The following VPS13A variants were observed in gnomAD, a reference collection of about 807,000 sequenced individuals.
VPS13A encodes the protein vacuolar protein sorting 13 homolog A.
A neutral mutation model predicts 390.9 loss-of-function variants in VPS13A; 264 were observed. The observed-to-expected ratio is 0.68, with a 90% CI of 0.61 to 0.75. The LOEUF (loss-of-function observed/expected upper bound fraction) is 0.75. Ranked by LOEUF, VPS13A falls within the 30% of genes least tolerant of loss-of-function variation. The probability of loss-of-function intolerance (pLI) is 0.00; values close to 1 mark genes in which losing one functional copy is unlikely to be tolerated. For synonymous variants in VPS13A, 1,231 were observed against 1,227.1 expected, an observed-to-expected ratio of 1.00 and a Z score of -0.07; for missense variants, 3,409 against 3,733.9, an observed-to-expected ratio of 0.91 and a Z score of 2.27.
intron 19 of VPS13A, among the ~76,000 whole-genome samples, chr9:77,241,940 T>C (rs921759732): frequency 1.3e-5 from 2 of 152,186 alleles, no homozygotes; most frequent in African/African-American, 4.8e-5. Context: ...CAATTATTCT[T>C]TCTTTGAGTG....
chr9:77,412,849 C>T (rs1835001196), intron 71 of VPS13A, among the ~76,000 whole-genome samples: 1 of 152,090 alleles, frequency 6.6e-6, no homozygotes, highest in African/African-American at 2.4e-5. Context: ...TCTAGAAAAC[C>T]CCATCGTCTC....
intron 23 of VPS13A, among the ~76,000 whole-genome samples, chr9:77,262,918 G>T (rs529578453): frequency 2.0e-5 from 3 of 152,176 alleles, no homozygotes; most frequent in African/African-American, 7.2e-5. Context: ...CTTTATAGTA[G>T]GATGATTTAT....
At chr9:77,331,878 C>T in intron 45 of VPS13A, 132 bp from the exon 46 acceptor site, 2 of 618,140 alleles carry the variant, frequency 3.2e-6, no homozygotes, top group Non-Finnish European at 5.8e-6. Flanking sequence ...TGTTTCTTTT[C>T]TAATTTATAT....
intron 50 of VPS13A, among the ~76,000 whole-genome samples, chr9:77,343,445 G>A (rs907291745): frequency 1.3e-5 from 2 of 152,212 alleles, no homozygotes; most frequent in African/African-American, 2.4e-5. Context: ...TGAAATATAT[G>A]AAGGGATCAG....
At chr9:77,387,635 C>A (rs1042944286) in intron 68 of VPS13A, among the ~76,000 whole-genome samples, 1 of 152,136 alleles carries the variant, frequency 6.6e-6, no homozygotes, top group Non-Finnish European at 1.5e-5. Flanking sequence ...TTAATTAGTA[C>A]TCACATGGGA....
At chr9:77,331,828 TAGAG>T (rs1446725444) in intron 45 of VPS13A, among the ~76,000 whole-genome samples, 178 bp from the exon 46 acceptor site, 8 of 152,152 alleles carry the variant, frequency 5.3e-5, no homozygotes, top group Non-Finnish European at 2.9e-5. Context: ...TATAAAACTA[TAGAG>T]ATTTTTCTTG....
chr9:77,199,915 T>A (rs1192204014), intron 1 of VPS13A, 30 bp from the exon 2 acceptor site: 2 of 1,567,226 alleles, frequency 1.3e-6, no homozygotes, highest in African/African-American at 1.4e-5. Context: ...AATATTTGAT[T>A]GTTTGAATCT....
At chr9:77,259,170 G>T (rs951344824) in intron 22 of VPS13A, among the ~76,000 whole-genome samples, 3 of 152,150 alleles carry the variant, frequency 2.0e-5, no homozygotes, top group African/African-American at 7.2e-5. Context: ...ACAGGTGTCA[G>T]GAACATTCCC....
At chr9:77,286,565 T>C (rs1003698032) in intron 31 of VPS13A, among the ~76,000 whole-genome samples, 1 of 152,218 alleles carries the variant, frequency 6.6e-6, no homozygotes, top group African/African-American at 2.4e-5. Flanking sequence ...TTAAAACATA[T>C]TACTCCATGT....
At chr9:77,389,254 G>A (rs952005715) in intron 68 of VPS13A, among the ~76,000 whole-genome samples, 10 of 151,136 alleles carry the variant, frequency 6.6e-5, no homozygotes, top group South Asian at 4.2e-4. Context: ...AGAAATATCC[G>A]TAATTGGGAA....
intron 59 of VPS13A, among the ~76,000 whole-genome samples, chr9:77,363,181 C>T (rs1832235060): frequency 6.6e-6 from 1 of 152,134 alleles, no homozygotes. Flanking sequence ...TCTTTTGCCT[C>T]TGATCTTGGA....
intron 60 of VPS13A, 83 bp downstream of exon 60, chr9:77,365,656 T>A: frequency 1.2e-6 from 1 of 822,840 alleles, no homozygotes; most frequent in Admixed American, 2.1e-5. Context: ...TCTTCAGTAA[T>A]ATATAAAATC....
At chr9:77,412,929 A>T (rs1333286771) in intron 71 of VPS13A, among the ~76,000 whole-genome samples, 1 of 152,234 alleles carries the variant, frequency 6.6e-6, no homozygotes, top group African/African-American at 2.4e-5. Context: ...ATGTGCAAAA[A>T]TCACAAGCAT....
chr9:77,281,765 G>T (rs2131346365), intron 27 of VPS13A, 102 bp from the exon 28 acceptor site: 1 of 664,774 alleles, frequency 1.5e-6, no homozygotes, highest in Non-Finnish European at 2.7e-6. Flanking sequence ...ATATGTATAT[G>T]AACAGCTGGA....
chr9:77,273,466 C>A lies in VPS13A; in HGVS notation c.2512+102C>A, dbSNP rs1587469091. The A allele has an allele frequency of 2.1e-5, 20 of 950,744 alleles. No individual in the cohort carries two copies. In the East Asian group the frequency reaches 5.3e-4, roughly 25 times the overall value. 58.9% of individuals were successfully genotyped at this position (950,744 alleles called of 1,614,324 possible). A position where few individuals can be genotyped will look rare whatever the true frequency, so the allele number is the denominator to read the frequency against. ...GGACCACACAGAGGAAGGAAAATAT[C>A]TTTTCCTTTTAAAATCTAGGTTCTT... On this transcript the variant is annotated intron_variant, in intron 24 of 71. Coordinates refer to ENST00000360280, the MANE Select transcript of VPS13A (RefSeq NM_033305.3).
rs971686835 is a variant in VPS13A, at chr9:77,218,239, G to A, written c.755-1715G>A. ...TGCCATTCTCCTGTCTCAGACTCCC[G>A]AGTAGCTGGGACTACAGGCACCTGC... On this transcript the variant is annotated intron_variant, in intron 10 of 71. Transcript: ENST00000360280. 3.3e-5 allele frequency among the ~76,000 whole-genome samples: 5 copies of A among 150,462 alleles called. No homozygotes were observed. The East Asian group carries it at 6.0e-4, about 18-fold the overall frequency.
At chr9:77,297,073 T>G (rs1462040518) in intron 33 of VPS13A, among the ~76,000 whole-genome samples, 1 of 152,094 alleles carries the variant, frequency 6.6e-6, no homozygotes. Flanking sequence ...TTAAGCAGTT[T>G]TTGGTTTTAT....
At chr9:77,339,413 C>T (rs1727381707) in intron 47 of VPS13A, 103 bp from the exon 48 acceptor site, 1 of 1,197,842 alleles carries the variant, frequency 8.3e-7, no homozygotes, top group Non-Finnish European at 1.2e-6. Context: ...ATAGGTATTT[C>T]AAAAGCATTT....
intron 34 of VPS13A, among the ~76,000 whole-genome samples, chr9:77,304,080 C>G (rs1263723518): frequency 6.6e-6 from 1 of 152,150 alleles, no homozygotes; most frequent in Non-Finnish European, 1.5e-5. Context: ...TGGGGAGAAA[C>G]CTTGGACAAT....
Sources: gnomAD v4.1 joint callset for allele counts (sites outside exome capture counted in the v4.1 genomes callset) on GRCh38, gnomAD v4.1.1 for gene constraint, MANE v1.5 for transcripts, NCBI Gene and HGNC (gene_info 2026-07-23, HGNC 2026-07-21) for gene names.